Variants in GLB1L3 observed in about 807,000 individuals in gnomAD.
GLB1L3 encodes the protein beta-galactosidase-1-like protein 3.
Under a neutral mutation model 89.5 loss-of-function variants are expected in GLB1L3, and 89 were observed. That is an observed-to-expected ratio of 0.99 (90% CI 0.84 to 1.19). The LOEUF (loss-of-function observed/expected upper bound fraction) is 1.19, where lower values mean the gene tolerates loss of function less well. Among genes scored for constraint, GLB1L3 ranks in the 50% most tolerant of loss-of-function variants. The pLI is 0.00. For synonymous variants in GLB1L3, 314 were observed against 312.3 expected (o/e 1.01, Z -0.06); for missense variants, 812 against 813.3 (o/e 1.00, Z 0.02).
downstream of GLB1L3, among the ~76,000 whole-genome samples, chr11:134,323,778 A>G (rs573353873): frequency 6.6e-6 from 1 of 152,300 alleles, no homozygotes; most frequent in East Asian, 1.9e-4. Context: ...GCAAAGTGTA[A>G]TATTAAGCCT....
At chr11:134,308,428 TCACCAC>T (rs1250413719) in intron 10 of GLB1L3, among the ~76,000 whole-genome samples, 7 of 38,230 alleles carry the variant, frequency 1.8e-4, no homozygotes, top group Admixed American at 7.0e-4. Context: ...ATCATCACCA[TCACCAC>T]CACCACCACC....
chr11:134,294,046 AACTT>A (rs1342326667), intron 9 of GLB1L3, among the ~76,000 whole-genome samples: 3 of 151,346 alleles, frequency 2.0e-5, no homozygotes, highest in African/African-American at 7.3e-5. Flanking sequence ...AGACTCATGA[AACTT>A]ACTTCTTTTT....
At chr11:134,301,776 G>C (rs1941960779) in intron 9 of GLB1L3, among the ~76,000 whole-genome samples, 1 of 151,958 alleles carries the variant, frequency 6.6e-6, no homozygotes, top group Admixed American at 6.6e-5. Context: ...TTTTATATTT[G>C]GTATATTTGA....
At chr11:134,288,956 C>T in intron 7 of GLB1L3, 66 bp downstream of exon 7, 1 of 1,118,470 alleles carries the variant, frequency 8.9e-7, no homozygotes, top group African/African-American at 1.5e-5. Context: ...TTTCTGATTC[C>T]TGGATGCATG....
intron 10 of GLB1L3, among the ~76,000 whole-genome samples, chr11:134,308,556 TCACCAC>T (rs199930926): frequency 1.7e-5 from 1 of 57,532 alleles, no homozygotes; most frequent in Non-Finnish European, 3.1e-5. Context: ...ACCATCACCA[TCACCAC>T]CACCACCACC....
chr11:134,278,284 A>G (rs1301495626), intron 3 of GLB1L3, among the ~76,000 whole-genome samples: 1 of 151,996 alleles, frequency 6.6e-6, no homozygotes, highest in South Asian at 2.1e-4. Context: ...AACAAAAAAA[A>G]ATTTTTTTTT....
chr11:134,313,873 T>A, intron 16 of GLB1L3, 68 bp from the exon 17 acceptor site: 1 of 1,013,512 alleles, frequency 9.9e-7, no homozygotes, highest in East Asian at 2.5e-5. Flanking sequence ...CATTGCTTTG[T>A]CCCAGATGCT....
At chr11:134,308,416 CCATCAT>C (rs1565413642) in intron 10 of GLB1L3, among the ~76,000 whole-genome samples, 18 of 98,414 alleles carry the variant, frequency 1.8e-4, no homozygotes, top group African/African-American at 3.7e-4. Context: ...ACCACCACCA[CCATCAT>C]CACCATCACC....
chr11:134,312,279 C>A (rs1942769127), intron 13 of GLB1L3, 70 bp from the exon 14 acceptor site: 10 of 1,552,758 alleles, frequency 6.4e-6, no homozygotes, highest in Non-Finnish European at 8.7e-6. Flanking sequence ...GACCAAATGA[C>A]AGGGTCTTAG....
intron 7 of GLB1L3, 100 bp downstream of exon 7, chr11:134,288,990 A>G: frequency 1.3e-6 from 1 of 785,604 alleles, no homozygotes; most frequent in Non-Finnish European, 2.0e-6. Flanking sequence ...GACACTGTGC[A>G]TTCTGAGAAT....
intron 9 of GLB1L3, among the ~76,000 whole-genome samples, chr11:134,303,851 C>G (rs1182117649): frequency 6.6e-6 from 1 of 151,988 alleles, no homozygotes; most frequent in African/African-American, 2.4e-5. Flanking sequence ...ATGGCAGACT[C>G]TCTGTTTCCA....
At chr11:134,294,532 A>G (rs1941530838) in intron 9 of GLB1L3, among the ~76,000 whole-genome samples, 1 of 152,092 alleles carries the variant, frequency 6.6e-6, no homozygotes, top group Non-Finnish European at 1.5e-5. Context: ...TTGAAATCTC[A>G]TTTGTACACC....
chr11:134,290,077 A>G (rs1012836811), intron 7 of GLB1L3, among the ~76,000 whole-genome samples: 3 of 152,200 alleles, frequency 2.0e-5, no homozygotes, highest in African/African-American at 7.2e-5. Context: ...CCCGCGCTAT[A>G]GCTGTGGCTT....
chr11:134,308,455 C>T (rs1239457394), intron 10 of GLB1L3, among the ~76,000 whole-genome samples: 22 of 33,252 alleles, frequency 6.6e-4, no homozygotes, highest in African/African-American at 1.4e-3. Context: ...ATCACCACCA[C>T]CACCACCACC....
chr11:134,314,783 A>C (rs866938176), intron 18 of GLB1L3, among the ~76,000 whole-genome samples: 6 of 152,316 alleles, frequency 3.9e-5, no homozygotes, highest in Non-Finnish European at 5.9e-5. Flanking sequence ...GCCTGAACAC[A>C]CACGTACACA....
chr11:134,312,950 C>G (rs1219440499), intron 15 of GLB1L3, 63 bp downstream of exon 15: 4 of 1,158,132 alleles, frequency 3.5e-6, no homozygotes, highest in Non-Finnish European at 5.1e-6. Context: ...GGAGCCTGGT[C>G]CTGAGACAGT....
rs775867635 is a variant in GLB1L3 at position 134,318,858 on chromosome 11, A to G, written c.1897-19A>G. 1.9e-5 allele frequency: 30 copies of G among 1,609,768 alleles called. No homozygotes were observed. In the Admixed American group the frequency reaches 2.2e-4, roughly 12 times the overall value. The stretch of plus-strand genomic sequence containing the variant: ...ATAGGCTTCACCTTTCCCACTGTCA[A>G]CCTTTCTTTTCTTCTCAGGTCATCT... On this transcript the variant is annotated intron_variant, in intron 19 of 19. Coordinates refer to ENST00000431683, the MANE Select transcript of GLB1L3 (RefSeq NM_001080407.3).
At chr11:134,296,866 A>ATAATAAT (rs1565402709) in intron 9 of GLB1L3, among the ~76,000 whole-genome samples, 10 of 116,070 alleles carry the variant, frequency 8.6e-5, no homozygotes, top group African/African-American at 1.5e-4. Flanking sequence ...TAATAATAAA[A>ATAATAAT]ACAAACAAAC....
rs1429785311 is a variant in GLB1L3, at chr11:134,311,057, A to T, written c.1181-7A>T. ...ACTTTTTGCCCTGTGCCCCATCTCC[A>T]TTGCAGCAACTCCCCTGCCCCGAGT... On this transcript the variant is annotated splice_region_variant and splice_polypyrimidine_tract_variant and intron_variant, in intron 12 of 19. Transcript: ENST00000431683. 4 of 1,611,352 alleles carry T rather than the reference A, an allele frequency of 2.5e-6. No homozygotes were observed. The highest frequency in any genetic ancestry group is 2.5e-6 in the Non-Finnish European group (3 of 1,177,956).
Sources: gnomAD v4.1 joint callset for allele counts (sites outside exome capture counted in the v4.1 genomes callset) on GRCh38, gnomAD v4.1.1 for gene constraint, MANE v1.5 for transcripts, NCBI Gene and HGNC (gene_info 2026-07-23, HGNC 2026-07-21) for gene names.